NLGN1: variants seen among roughly 807,000 people sequenced by gnomAD.
NLGN1 encodes neuroligin 1.
A neutral mutation model predicts 65.5 loss-of-function variants in NLGN1; 12 were observed. The observed-to-expected ratio is 0.18, with a 90% CI of 0.12 to 0.30. The LOEUF is 0.30. Ranked by LOEUF, NLGN1 falls within the 10% of genes least tolerant of loss-of-function variation. NLGN1 has a pLI of 1.00. For synonymous variants in NLGN1, 350 were observed against 359.5 expected (o/e 0.97, Z 0.30); for missense variants, 750 against 1,007.1 (o/e 0.74, Z 3.46).
At chr3:173,446,597 G>T (rs1720386278) in intron 2 of NLGN1, among the ~76,000 whole-genome samples, 1 of 152,092 alleles carries the variant, frequency 6.6e-6, no homozygotes, top group Non-Finnish European at 1.5e-5. Context: ...GGGATGACTG[G>T]GTCAAATGGT....
chr3:173,829,553 CGTGTGTGTGT>C (rs10576627), intron 4 of NLGN1, among the ~76,000 whole-genome samples: 1 of 144,672 alleles, frequency 6.9e-6, no homozygotes, highest in Non-Finnish European at 1.5e-5. Flanking sequence ...GGAGTGTGTG[CGTGTGTGTGT>C]GTGTGTGTTT....
intron 4 of NLGN1, among the ~76,000 whole-genome samples, chr3:173,980,647 CA>C (rs1168536317): frequency 1.3e-5 from 2 of 151,396 alleles, no homozygotes; most frequent in East Asian, 3.9e-4. Flanking sequence ...GATATGTTTT[CA>C]AAAAAAACAT....
At chr3:173,935,622 ACTCTCTCT>A (rs72137673) in intron 4 of NLGN1, among the ~76,000 whole-genome samples, 1,791 of 108,024 alleles carry the variant, frequency 0.017, 16 homozygotes, top group South Asian at 0.035. Flanking sequence ...ACACACACAC[ACTCTCTCT>A]CTCTCTCTCT....
intron 1 of NLGN1, among the ~76,000 whole-genome samples, chr3:173,429,107 C>G (rs1716712145): frequency 6.6e-6 from 1 of 152,104 alleles, no homozygotes; most frequent in Admixed American, 6.6e-5. Context: ...TTTCTCAACT[C>G]CCTCCTGGCG....
chr3:173,503,732 G>C (rs1313309418), intron 2 of NLGN1, among the ~76,000 whole-genome samples: 2 of 151,770 alleles, frequency 1.3e-5, no homozygotes, highest in African/African-American at 2.4e-5. Context: ...TTAATTTGTT[G>C]GTTTACCAGT....
intron 4 of NLGN1, among the ~76,000 whole-genome samples, chr3:173,994,274 AT>A (rs575478640): frequency 2.6e-5 from 4 of 151,546 alleles, no homozygotes; most frequent in Non-Finnish European, 5.9e-5. Context: ...TGCCTGGCTA[AT>A]TTTGTATTTT....
chr3:173,407,537 A>G (rs1046891231), intron 1 of NLGN1, among the ~76,000 whole-genome samples: 1 of 152,218 alleles, frequency 6.6e-6, no homozygotes, highest in Non-Finnish European at 1.5e-5. Flanking sequence ...AGAATTTTAG[A>G]AGTATAGGTA....
chr3:174,245,781 C>T (rs919607184), intron 4 of NLGN1, among the ~76,000 whole-genome samples: 7 of 152,082 alleles, frequency 4.6e-5, no homozygotes, highest in African/African-American at 1.7e-4. Flanking sequence ...AAATATTCTG[C>T]CCACTTACTT....
chr3:173,950,068 G>A (rs917186690), intron 4 of NLGN1, among the ~76,000 whole-genome samples: 1 of 152,068 alleles, frequency 6.6e-6, no homozygotes, highest in Non-Finnish European at 1.5e-5. Flanking sequence ...GTATCCTTTT[G>A]TAGTTAAGAA....
chr3:174,290,140 T>C (rs1045316945), downstream of NLGN1, among the ~76,000 whole-genome samples: 1 of 150,718 alleles, frequency 6.6e-6, no homozygotes, highest in African/African-American at 2.4e-5. Flanking sequence ...TTTGTTTGTT[T>C]ACAGACTTTA....
rs116538805 is a variant in NLGN1, at chr3:174,074,911, G to A, written c.647-200404G>A. ...GGCTTCTTAGTCTTAGGGTTCTACC[G>A]TGCACAATGTGATTGCTAGTATATA... On this transcript the variant is annotated intron_variant, in intron 4 of 6. Transcript: ENST00000457714. 3.1e-3 allele frequency among the ~76,000 whole-genome samples: 476 copies of A among 152,270 alleles called. 1 individual carries two copies. Among genetic ancestry groups the A allele is most frequent in the African/African-American group, 0.011 (453 of 41,548 alleles).
intron 3 of NLGN1, among the ~76,000 whole-genome samples, chr3:173,612,223 C>G (rs1171553884): frequency 6.6e-6 from 1 of 152,080 alleles, no homozygotes; most frequent in African/African-American, 2.4e-5. Flanking sequence ...ACCTTAAACT[C>G]TGGACAAGTT....
At chr3:174,112,044 A>G (rs921071805) in intron 4 of NLGN1, among the ~76,000 whole-genome samples, 1 of 151,928 alleles carries the variant, frequency 6.6e-6, no homozygotes, top group African/African-American at 2.4e-5. Context: ...GATGCATAAG[A>G]CAAACAGAAG....
chr3:173,804,554 A>G (rs913951019), intron 3 of NLGN1, among the ~76,000 whole-genome samples: 6 of 151,760 alleles, frequency 4.0e-5, no homozygotes, highest in East Asian at 1.9e-4. Context: ...ATGGTATTCA[A>G]TGGTAGGCTA....
At chr3:173,866,911 G>A (rs1269029246) in intron 4 of NLGN1, among the ~76,000 whole-genome samples, 1 of 152,150 alleles carries the variant, frequency 6.6e-6, no homozygotes, top group Non-Finnish European at 1.5e-5. Flanking sequence ...TATTTATGGG[G>A]AAGAAGGGGC....
intron 4 of NLGN1, among the ~76,000 whole-genome samples, chr3:173,911,986 A>C (rs953563057): frequency 1.3e-5 from 2 of 152,192 alleles, no homozygotes; most frequent in African/African-American, 2.4e-5. Context: ...TTGTATTTAC[A>C]ATGTGCTAAA....
At chr3:173,927,132 C>T (rs552079230) in intron 4 of NLGN1, among the ~76,000 whole-genome samples, 3 of 152,104 alleles carry the variant, frequency 2.0e-5, no homozygotes, top group South Asian at 2.1e-4. Flanking sequence ...GGCATGATCT[C>T]GGCTCACTGC....
At chr3:173,455,768 A>G (rs565799800) in intron 2 of NLGN1, among the ~76,000 whole-genome samples, 2 of 152,234 alleles carry the variant, frequency 1.3e-5, no homozygotes, top group South Asian at 2.1e-4. Context: ...GTGTATATAT[A>G]TATGTTTATA....
intron 2 of NLGN1, among the ~76,000 whole-genome samples, chr3:173,568,175 TTTC>T (rs1312932012): frequency 6.6e-6 from 1 of 151,596 alleles, no homozygotes; most frequent in South Asian, 2.1e-4. Context: ...CTTTCTTTTC[TTTC>T]TTTTCTTCCC....
Sources: allele counts gnomAD v4.1 joint callset (sites outside exome capture counted in the v4.1 genomes callset), GRCh38; gene constraint gnomAD v4.1.1; transcripts MANE v1.5; gene names NCBI Gene and HGNC (gene_info 2026-07-23, HGNC 2026-07-21).